CMIP: variants seen among roughly 807,000 people sequenced by gnomAD.
CMIP encodes C-Maf-inducing protein.
In CMIP, 13 loss-of-function variants were observed where a neutral mutation model predicts 97.3. That is an observed-to-expected ratio of 0.13 (90% CI 0.09 to 0.21). The LOEUF is 0.21. Among genes scored for constraint, CMIP ranks in the 10% least tolerant of loss-of-function variants. The pLI, the probability that CMIP is intolerant of heterozygous loss-of-function variation, is 1.00. For missense variants in CMIP, 847 were observed against 1,024.9 expected, an observed-to-expected ratio of 0.83 and a Z score of 2.37; for synonymous variants, 538 against 436.3, an observed-to-expected ratio of 1.23 and a Z score of -2.91.
intron 3 of CMIP, among the ~76,000 whole-genome samples, chr16:81,649,566 T>A (rs1032128083): frequency 6.6e-6 from 1 of 152,276 alleles, no homozygotes; most frequent in African/African-American, 2.4e-5. Context: ...ATGGTGGCTA[T>A]TTCTGGGTTG....
Position 81,655,224 on chromosome 16 carries a change from G to T in CMIP, c.640-2551G>T, listed in dbSNP as rs532654760. On this transcript the variant is annotated intron_variant, in intron 4 of 20. Coordinates refer to ENST00000537098, the MANE Select transcript of CMIP (RefSeq NM_198390.3). This position sits in a 1 kb window ranked among gnomAD's most constrained non-coding sequence, Gnocchi z 4.9. ...TTCGACCTCCGTGCCCTGTTTTGGG[G>T]CTGGGTTGTTTCTCTGTTCTGTTTG... 1.2e-4 allele frequency among the ~76,000 whole-genome samples: 18 copies of T among 152,290 alleles called. No homozygotes were observed. Among genetic ancestry groups the T allele is most frequent in the African/African-American group, 3.6e-4 (15 of 41,566 alleles).
chr16:81,602,069 C>T (rs1160387516), intron 1 of CMIP, among the ~76,000 whole-genome samples: 1 of 152,140 alleles, frequency 6.6e-6, no homozygotes. Flanking sequence ...AAACATGTTT[C>T]ACAAGGATGT....
chr16:81,541,696 A>G (rs1199042226), intron 1 of CMIP, among the ~76,000 whole-genome samples: 2 of 152,282 alleles, frequency 1.3e-5, no homozygotes, highest in East Asian at 1.9e-4. Context: ...CTACAAAACA[A>G]CCGATGTTGT....
intron 10 of CMIP, among the ~76,000 whole-genome samples, chr16:81,688,794 G>A (rs190672845): frequency 1.4e-3 from 208 of 152,170 alleles, no homozygotes; most frequent in Non-Finnish European, 2.1e-3. Flanking sequence ...ATCTCCTAAT[G>A]CTATCCCTCC....
intron 1 of CMIP, among the ~76,000 whole-genome samples, chr16:81,515,452 G>A (rs908395197): frequency 6.6e-6 from 1 of 152,138 alleles, no homozygotes; most frequent in African/African-American, 2.4e-5. Context: ...CTGGGTGGGC[G>A]GGCACCACTG....
intron 1 of CMIP, chr16:81,495,559 G>A: frequency 6.4e-7 from 1 of 1,564,628 alleles, no homozygotes; most frequent in Non-Finnish European, 8.7e-7. Context: ...CTCGCCTGCT[G>A]CTGCTGGCCA....
chr16:81,522,817 A>G (rs566191517), intron 1 of CMIP, among the ~76,000 whole-genome samples: 2 of 152,190 alleles, frequency 1.3e-5, no homozygotes, highest in South Asian at 4.2e-4. Context: ...TTTACTACCC[A>G]CCTCCAGGTA....
At chr16:81,561,886 C>A (rs1207518171) in intron 1 of CMIP, among the ~76,000 whole-genome samples, 1 of 152,186 alleles carries the variant, frequency 6.6e-6, no homozygotes, top group Non-Finnish European at 1.5e-5. Context: ...CCATCCCAGA[C>A]TTCTTCTTGG....
intron 2 of CMIP, among the ~76,000 whole-genome samples, chr16:81,615,094 A>T (rs2150952937): frequency 9.8e-6 from 1 of 102,448 alleles, no homozygotes; most frequent in South Asian, 3.5e-4. Context: ...CTTTGTGTGT[A>T]TGAGGTGTGT....
At chr16:81,474,064 C>T (rs2150749616) in intron 1 of CMIP, among the ~76,000 whole-genome samples, 1 of 152,206 alleles carries the variant, frequency 6.6e-6, no homozygotes, top group Non-Finnish European at 1.5e-5. Flanking sequence ...CAGAGGCAGG[C>T]CTTTAACCGG....
intron 1 of CMIP, among the ~76,000 whole-genome samples, chr16:81,562,468 C>T (rs896782246): frequency 2.6e-5 from 4 of 152,252 alleles, no homozygotes; most frequent in Non-Finnish European, 5.9e-5. Flanking sequence ...GGCTAACTTG[C>T]AGTGCTGGCA....
rs75454940 is a variant in CMIP, at chr16:81,660,993, C to T, written c.744+47C>T. 6,717 of 1,610,498 alleles carry T rather than the reference C, an allele frequency of 4.2e-3. 25 individuals are homozygous for T. Among genetic ancestry groups the T allele is most frequent in the Non-Finnish European group, 4.8e-3 (5,611 of 1,176,776 alleles). On this transcript the variant is annotated intron_variant, in intron 6 of 20. Transcript: ENST00000537098. ...GCTGTGGCTGCAGGAAGTAACCTCC[C>T]TCTGTGCGCATACCAGGGATTGGGT...
intron 1 of CMIP, among the ~76,000 whole-genome samples, chr16:81,589,896 G>C (rs929983993): frequency 9.2e-5 from 14 of 152,196 alleles, no homozygotes; most frequent in African/African-American, 3.4e-4. Flanking sequence ...TACCTCAATG[G>C]CGTGTGTAAT....
intron 1 of CMIP, among the ~76,000 whole-genome samples, chr16:81,584,620 T>C (rs1015827491): frequency 1.3e-5 from 2 of 152,108 alleles, no homozygotes; most frequent in African/African-American, 4.8e-5. Flanking sequence ...TCCCACATAA[T>C]GACAGGAGCC....
intron 1 of CMIP, among the ~76,000 whole-genome samples, chr16:81,468,255 T>C (rs1907323659): frequency 6.6e-6 from 1 of 152,204 alleles, no homozygotes; most frequent in Non-Finnish European, 1.5e-5. Context: ...CAAGCCTGTC[T>C]TCAAGATAAA....
intron 15 of CMIP, among the ~76,000 whole-genome samples, chr16:81,700,977 G>A (rs895876730): frequency 1.3e-5 from 2 of 152,242 alleles, no homozygotes; most frequent in East Asian, 3.9e-4. Flanking sequence ...TGAGTGACCT[G>A]CTCCTTGGTG....
chr16:81,618,856 T>G (rs1346064808), intron 2 of CMIP: 1 of 152,246 alleles, frequency 6.6e-6, no homozygotes, highest in East Asian at 1.9e-4. Context: ...GGAAGCACTT[T>G]TCATGGATTA....
At chr16:81,587,578 G>GA (rs1379069511) in intron 1 of CMIP, among the ~76,000 whole-genome samples, 1 of 152,140 alleles carries the variant, frequency 6.6e-6, no homozygotes, top group East Asian at 1.9e-4. Flanking sequence ...TTTTACCAAT[G>GA]AAAAAACCAA....
In CMIP at chr16:81,445,111, C is replaced by T; in HGVS notation, c.-131C>T. The T allele has an allele frequency of 2.7e-6, 1 of 375,518 alleles. No homozygotes were observed. The highest frequency in any genetic ancestry group is 4.6e-6 in the Non-Finnish European group (1 of 218,538). 23.3% of individuals were successfully genotyped at this position (375,518 alleles called of 1,614,324 possible). ...GCAGCGCCCCCTCCCCTGCGGGCGC[C>T]CCCAGCCCCACACCCCCCCACCTTC... On this transcript the variant is annotated 5_prime_UTR_variant, in exon 1 of 21. Transcript: ENST00000537098.
Sources: allele counts gnomAD v4.1 joint callset (sites outside exome capture counted in the v4.1 genomes callset), GRCh38; gene constraint gnomAD v4.1.1; non-coding constraint Gnocchi (gnomAD v3.1); transcripts MANE v1.5; gene names NCBI Gene and HGNC (gene_info 2026-07-23, HGNC 2026-07-21).